The following PPP2R5C variants were observed in gnomAD, a reference collection of about 807,000 sequenced individuals.
PPP2R5C encodes the protein protein phosphatase 2 regulatory subunit B'gamma, also known as serine/threonine-protein phosphatase 2A 56 kDa regulatory subunit gamma isoform.
PPP2R5C carries 7 observed loss-of-function variants against 68.9 expected under a neutral mutation model. The observed-to-expected ratio is 0.10, with a 90% confidence interval of 0.06 to 0.19. The LOEUF (loss-of-function observed/expected upper bound fraction) is 0.19. Among genes scored for constraint, PPP2R5C ranks in the 10% least tolerant of loss-of-function variants. The pLI is 1.00. For missense variants in PPP2R5C, 348 were observed against 641.3 expected, an observed-to-expected ratio of 0.54 and a Z score of 4.94; for synonymous variants, 210 against 222.2, an observed-to-expected ratio of 0.95 and a Z score of 0.49.
At position 101,878,645 on chromosome 14, in the gene PPP2R5C, G is replaced by A. The variant is rs146950595; in HGVS notation, c.295-3516G>A. Among the ~76,000 whole-genome samples, 3 of 152,318 alleles carry A rather than the reference G, an allele frequency of 2.0e-5. No individual in the cohort carries two copies. In the East Asian group the frequency reaches 5.8e-4, roughly 29 times the overall value. On this transcript the variant is annotated intron_variant, in intron 2 of 13. Transcript: ENST00000334743. ...CGGGCAGGTCTGGACTCCGTGGACA[G>A]GCAGCGGGCACGAGACTTGGCCGTG...
At chr14:101,907,114 G>A (rs2046073896) in intron 10 of PPP2R5C, among the ~76,000 whole-genome samples, 1 of 152,060 alleles carries the variant, frequency 6.6e-6, no homozygotes, top group African/African-American at 2.4e-5. Context: ...GACTTTAAAA[G>A]GAAACTGTTG....
In PPP2R5C at chr14:101,917,935, C is replaced by A; in HGVS notation, c.1431C>A (p.Asp477Glu). Residue 477 changes from aspartate (D) to glutamate (E), a missense_variant, in exon 13 of 14, where the codon GAC (aspartate) becomes GAA (glutamate). Physicochemically the swap from Asp to Glu is conservative, Grantham distance 45. Around this residue, in one of 4 missense-constraint regions of PPP2R5C, gnomAD observed 118 missense variants for 108.9 expected, o/e 1.08. Coordinates refer to ENST00000334743, the Ensembl canonical transcript of PPP2R5C. This position sits in a 1 kb window ranked among gnomAD's most constrained non-coding sequence, Gnocchi z 4.4. The stretch of plus-strand genomic sequence containing the variant: ...AGATGCTGAGAAAGACAGTGAAGGA[C>A]GAGGCTCATCAGGTAAAAGTGCACC... 1 of 1,613,872 alleles carries A rather than the reference C, an allele frequency of 6.2e-7. No individual in the cohort carries two copies.
At chr14:101,889,139 G>A (rs1032116971) in intron 5 of PPP2R5C, among the ~76,000 whole-genome samples, 4 of 152,230 alleles carry the variant, frequency 2.6e-5, no homozygotes, top group Non-Finnish European at 5.9e-5. Context: ...ATCTGTGGAT[G>A]TTAAGGTCAC....
rs539520854 is a variant in PPP2R5C, at chr14:101,861,376, C to T, written c.294+4491C>T. On this transcript the variant is annotated intron_variant, in intron 2 of 13. Transcript: ENST00000334743. The stretch of plus-strand genomic sequence containing the variant: ...TCTCCTTGAGAGCCTTTCGGAGGGC[C>T]TGTGATGTTAGAACTATTTCCATCA... Among the ~76,000 whole-genome samples, 30 of 152,278 alleles carry T rather than the reference C, an allele frequency of 2.0e-4. No individual in the cohort carries two copies. The South Asian group carries it at 5.8e-3, about 29-fold the overall frequency.
intron 13 of PPP2R5C, among the ~76,000 whole-genome samples, chr14:101,919,435 T>A (rs1007313194): frequency 6.6e-6 from 1 of 152,260 alleles, no homozygotes; most frequent in East Asian, 1.9e-4. Context: ...CTGTATATAT[T>A]TCTCTCTTTG....
chr14:101,808,226 A>G (rs371402059), upstream of PPP2R5C, among the ~76,000 whole-genome samples: 13 of 152,008 alleles, frequency 8.6e-5, no homozygotes, highest in East Asian at 2.5e-3. Flanking sequence ...GCTTAGAGGC[A>G]GGAGGGCAGC....
chr14:101,761,105 C>T (rs936554734), upstream of PPP2R5C, among the ~76,000 whole-genome samples: 27 of 125,836 alleles, frequency 2.1e-4, no homozygotes, highest in Non-Finnish European at 4.4e-4. Flanking sequence ...GGAGGGGAGG[C>T]GGGGCCCAGC....
At chr14:101,804,211 C>A (rs2038984440) in intron 3 of PPP2R5C, among the ~76,000 whole-genome samples, 1 of 152,124 alleles carries the variant, frequency 6.6e-6, no homozygotes, top group Non-Finnish European at 1.5e-5. Context: ...ATCCAAAAGA[C>A]AAGCAATAAC....
intron 3 of PPP2R5C, among the ~76,000 whole-genome samples, chr14:101,803,681 A>G (rs933703735): frequency 6.6e-5 from 10 of 151,406 alleles, no homozygotes; most frequent in African/African-American, 2.4e-4. Flanking sequence ...CAGACATCGC[A>G]CCACTGCACT....
chr14:101,827,745 G>A (rs1014659134), intron 1 of PPP2R5C, among the ~76,000 whole-genome samples: 2 of 152,178 alleles, frequency 1.3e-5, no homozygotes, highest in African/African-American at 4.8e-5. Context: ...GGTGTGCTAA[G>A]GAGGGCACCC....
chr14:101,923,622 T>C (rs1182073518), intron 13 of PPP2R5C, among the ~76,000 whole-genome samples: 1 of 152,186 alleles, frequency 6.6e-6, no homozygotes, highest in Non-Finnish European at 1.5e-5. Flanking sequence ...CACGCTGGTT[T>C]CCAGGGAAAC....
intron 1 of PPP2R5C, among the ~76,000 whole-genome samples, chr14:101,852,896 A>T (rs1013706384): frequency 1.3e-5 from 2 of 152,074 alleles, no homozygotes; most frequent in Non-Finnish European, 2.9e-5. Context: ...ATGATTGAGG[A>T]TTTATCTTGA....
intron 3 of PPP2R5C, among the ~76,000 whole-genome samples, chr14:101,798,183 G>C (rs1017411948): frequency 2.0e-5 from 3 of 150,102 alleles, no homozygotes; most frequent in African/African-American, 7.3e-5. Context: ...GGCCAGCGCA[G>C]TGTGAGTGCA....
intron 1 of PPP2R5C, among the ~76,000 whole-genome samples, chr14:101,845,756 G>A (rs1354781866): frequency 6.6e-6 from 1 of 152,116 alleles, no homozygotes; most frequent in Non-Finnish European, 1.5e-5. Context: ...GGGAACCCCA[G>A]CTTGGTCCTG....
At chr14:101,811,101 G>A (rs2039332597) in intron 1 of PPP2R5C, among the ~76,000 whole-genome samples, 1 of 152,116 alleles carries the variant, frequency 6.6e-6, no homozygotes, top group African/African-American at 2.4e-5. Context: ...GTGTACCCAG[G>A]CACATGCAGA....
intron 2 of PPP2R5C, among the ~76,000 whole-genome samples, chr14:101,864,675 G>T (rs544698574): frequency 6.6e-6 from 1 of 152,200 alleles, no homozygotes; most frequent in South Asian, 2.1e-4. Flanking sequence ...GGAAGGGGAG[G>T]GGAGTGTTCC....
intron 1 of PPP2R5C, among the ~76,000 whole-genome samples, chr14:101,834,619 G>A (rs778819806): frequency 4.6e-5 from 7 of 152,210 alleles, no homozygotes; most frequent in Non-Finnish European, 1.0e-4. Flanking sequence ...TTTAAATTAT[G>A]AGGTCATAGA....
intron 7 of PPP2R5C, among the ~76,000 whole-genome samples, chr14:101,893,507 T>C (rs1157246067): frequency 6.6e-6 from 1 of 152,152 alleles, no homozygotes; most frequent in Non-Finnish European, 1.5e-5. Flanking sequence ...ATCCCAGCAC[T>C]TTGGGAGGCT....
chr14:101,805,661 C>T (rs181493902), upstream of PPP2R5C, among the ~76,000 whole-genome samples: 78 of 152,248 alleles, frequency 5.1e-4, 1 homozygote, highest in African/African-American at 1.7e-3. Context: ...CCCAAATGTC[C>T]GTAAACAGGG....
Sources: allele counts gnomAD v4.1 joint callset (sites outside exome capture counted in the v4.1 genomes callset), GRCh38; gene constraint gnomAD v4.1.1; regional missense constraint gnomAD v4.1.1; non-coding constraint Gnocchi (gnomAD v3.1); transcripts MANE v1.5; gene names NCBI Gene and HGNC (gene_info 2026-07-23, HGNC 2026-07-21).